Variants in SNAPC3 observed in about 807,000 individuals in gnomAD.
SNAPC3 encodes small nuclear RNA activating complex polypeptide 3, also known as snRNA-activating protein complex subunit 3.
A neutral mutation model predicts 47.7 loss-of-function variants in SNAPC3; 56 were observed. The ratio of observed to expected loss-of-function variants is 1.18; its 90% CI spans 0.95 to 1.47. SNAPC3 has a LOEUF of 1.47. Ranked by LOEUF, SNAPC3 falls within the 40% of genes most tolerant of loss-of-function variation. The pLI, the probability that SNAPC3 is intolerant of heterozygous loss-of-function variation, is 0.00. For missense variants in SNAPC3, 665 were observed against 511.3 expected (o/e 1.30, Z -2.90); for synonymous variants, 235 against 189.9 (o/e 1.24, Z -1.95).
chr9:15,461,505 T>C lies in SNAPC3; in HGVS notation c.*1639T>C, dbSNP rs536031592. The C allele has an allele frequency of 7.2e-5, 11 of 152,318 alleles. No individual in the cohort carries two copies. Among genetic ancestry groups the C allele is most frequent in the Non-Finnish European group, 1.5e-5 (1 of 68,036 alleles). 9.4% of individuals were successfully genotyped at this position (152,318 alleles called of 1,614,324 possible). A position where few individuals can be genotyped will look rare whatever the true frequency, so the allele number is the denominator to read the frequency against. ...TTCAGGTCTAGACCATCAGATAGAT[T>C]TATTCAAATATTTTCTGGGAACCTT... is the stretch of plus-strand genomic sequence containing the variant. On this transcript the variant is annotated 3_prime_UTR_variant, in exon 9 of 9. Transcript: ENST00000380821.
rs562494851 is a variant in SNAPC3 at position 15,438,021 on chromosome 9, CT to C, written c.477+4389del. 8.2e-4 allele frequency among the ~76,000 whole-genome samples: 125 copies of C among 152,240 alleles called. 1 individual carries two copies. Among genetic ancestry groups the C allele is most frequent in the Non-Finnish European group, 1.5e-3 (100 of 68,016 alleles). ...AGAATGTGTTAGGAAGTGTTTACTC[CT>C]TTTGAAATTTTGTGAAAGAGTTTGA... On this transcript the variant is annotated intron_variant, in intron 3 of 8. Transcript: ENST00000380821.
chr9:15,436,874 A>G (rs905513180), intron 3 of SNAPC3, among the ~76,000 whole-genome samples: 1 of 133,528 alleles, frequency 7.5e-6, no homozygotes, highest in African/African-American at 2.9e-5. Context: ...CCCAGGCTGG[A>G]GTGCAATGGT....
In SNAPC3 at chr9:15,457,786, G is replaced by A. The variant is rs145612335; in HGVS notation, c.981-174G>A. On this transcript the variant is annotated intron_variant, in intron 7 of 8. Coordinates refer to ENST00000380821, the MANE Select transcript of SNAPC3 (RefSeq NM_001039697.2). ...AAAATGCTCTTGGAGAAAGTATTTT[G>A]TGGAACAGAATTTGGTGAAACATGG... Among the ~76,000 whole-genome samples the A allele has an allele frequency of 6.7e-3, 1,016 of 152,278 alleles. 9 individuals are homozygous for A. The highest frequency in any genetic ancestry group is 0.023 in the African/African-American group (970 of 41,554).
intron 2 of SNAPC3, among the ~76,000 whole-genome samples, chr9:15,425,225 C>T (rs73413273): frequency 0.028 from 4,214 of 152,186 alleles, 175 homozygotes; most frequent in African/African-American, 0.095. Context: ...TGTTATGTTA[C>T]GTTATTTTTT....
chr9:15,453,380 C>T (rs2034541613), intron 7 of SNAPC3, 175 bp downstream of exon 7: 5 of 522,598 alleles, frequency 9.6e-6, no homozygotes, highest in South Asian at 9.5e-5. Flanking sequence ...TCTTTCCATC[C>T]ATTTGCATCC....
At chr9:15,463,541 A>C (rs965518575), downstream of SNAPC3, 4 of 149,426 alleles carry the variant, frequency 2.7e-5, no homozygotes, top group African/African-American at 7.3e-5. Flanking sequence ...ATCTATCTCA[A>C]AATTACCTTT....
At chr9:15,435,655 G>A (rs1303005437) in intron 3 of SNAPC3, among the ~76,000 whole-genome samples, 1 of 151,472 alleles carries the variant, frequency 6.6e-6, no homozygotes, top group African/African-American at 2.4e-5. Context: ...CTAGAACCCA[G>A]GAGGTGGAGG....
At chr9:15,431,722 C>G (rs1019299817) in intron 2 of SNAPC3, among the ~76,000 whole-genome samples, 1 of 152,018 alleles carries the variant, frequency 6.6e-6, no homozygotes, top group Non-Finnish European at 1.5e-5. Flanking sequence ...ATTTTTCACA[C>G]ACCCCAAATG....
Position 15,433,560 on chromosome 9 carries a change from A to G in SNAPC3, c.401A>G (p.Lys134Arg). The G allele has an allele frequency of 6.3e-7, 1 of 1,599,778 alleles. No individual in the cohort carries two copies. Among genetic ancestry groups the G allele is most frequent in the Non-Finnish European group, 8.5e-7 (1 of 1,172,014 alleles). The change falls in exon 3 of 9, where the codon AAA (lysine) becomes AGA (arginine). Residue 134 changes from lysine (K) to arginine (R), a missense_variant. Transcript: ENST00000380821. ...NTDLVTLGVR[K>R]RFLEHREETI... The stretch of plus-strand genomic sequence containing the variant: ...TTTTACATCTACAACAGGGTTAGAA[A>G]AAGGTTCTTGGAACATCGGGAAGAA...
intron 3 of SNAPC3, among the ~76,000 whole-genome samples, chr9:15,443,508 T>C (rs547127193): frequency 2.0e-5 from 3 of 152,158 alleles, no homozygotes; most frequent in African/African-American, 7.2e-5. Context: ...TTGTACGTGG[T>C]CACTGATGTT....
intron 3 of SNAPC3, among the ~76,000 whole-genome samples, chr9:15,442,493 AC>A (rs201769913): frequency 0.042 from 6,166 of 145,644 alleles, 143 homozygotes; most frequent in South Asian, 0.071. Context: ...CACTTCTCAG[AC>A]CGGGCGGCTG....
At chr9:15,451,575 C>T (rs567070522) in intron 6 of SNAPC3, among the ~76,000 whole-genome samples, 173 bp downstream of exon 6, 1 of 152,248 alleles carries the variant, frequency 6.6e-6, no homozygotes, top group East Asian at 1.9e-4. Context: ...ACAGTAGTCC[C>T]AGCCACTCCG....
At chr9:15,446,072 A>G (rs2033906517) in intron 4 of SNAPC3, among the ~76,000 whole-genome samples, 1 of 152,222 alleles carries the variant, frequency 6.6e-6, no homozygotes, top group Non-Finnish European at 1.5e-5. Flanking sequence ...ACTTTTAGGA[A>G]ATTTTAAGAC....
At position 15,422,913 on chromosome 9, in the gene SNAPC3, A is replaced by AGC; in HGVS notation, c.36_37dup (p.Gly13AlafsTer26). The AGC allele has an allele frequency of 6.5e-7, 1 of 1,535,948 alleles. No homozygotes were observed. Among genetic ancestry groups the AGC allele is most frequent in the Non-Finnish European group, 8.8e-7 (1 of 1,142,142 alleles). On this transcript the variant is annotated frameshift_variant, in exon 1 of 9. Coordinates refer to ENST00000380821, the MANE Select transcript of SNAPC3 (RefSeq NM_001039697.2). LOFTEE classifies it high-confidence loss of function. ...AGGAAGCCGAGGTGGCCCTACGTGTAGCGGGGTGGGTGGCAGGCAGGACCC... is the reference window on the plus strand; with the variant it reads ...AGGAAGCCGAGGTGGCCCTACGTGTAGCGCGGGGTGGGTGGCAGGCAGGACCC...
intron 2 of SNAPC3, among the ~76,000 whole-genome samples, chr9:15,427,866 T>TA (rs1359228634): frequency 6.6e-6 from 1 of 152,090 alleles, no homozygotes; most frequent in African/African-American, 2.4e-5. Context: ...AATGATTTTT[T>TA]AAAAAAACTT....
intron 2 of SNAPC3, among the ~76,000 whole-genome samples, chr9:15,431,035 A>G (rs781781233): frequency 1.3e-5 from 2 of 152,156 alleles, no homozygotes; most frequent in Non-Finnish European, 2.9e-5. Flanking sequence ...CAATGGAGAG[A>G]CTTCTCAGGA....
intron 7 of SNAPC3, 42 bp from the exon 8 acceptor site, chr9:15,457,918 A>G (rs2034918302): frequency 1.7e-6 from 2 of 1,202,122 alleles, no homozygotes; most frequent in South Asian, 2.8e-5. Flanking sequence ...TTGTCACTTA[A>G]TATTTGTCAC....
chr9:15,431,460 C>G (rs2032137822), intron 2 of SNAPC3, among the ~76,000 whole-genome samples: 1 of 152,182 alleles, frequency 6.6e-6, no homozygotes, highest in South Asian at 2.1e-4. Context: ...GAATCCTTAA[C>G]CTTTGTTCAA....
intron 2 of SNAPC3, among the ~76,000 whole-genome samples, chr9:15,428,749 A>G (rs2031775393): frequency 6.6e-6 from 1 of 152,180 alleles, no homozygotes; most frequent in Non-Finnish European, 1.5e-5. Context: ...CTAAGGGAAA[A>G]TAGACTGAAA....
Sources: gnomAD v4.1 joint callset for allele counts (sites outside exome capture counted in the v4.1 genomes callset) on GRCh38, gnomAD v4.1.1 for gene constraint, MANE v1.5 for transcripts, NCBI Gene and HGNC (gene_info 2026-07-23, HGNC 2026-07-21) for gene names.